FAM83F: variants seen among roughly 807,000 people sequenced by gnomAD.
The protein encoded by FAM83F is scaffolding CK1 anchoring protein F.
A neutral mutation model predicts 42.9 loss-of-function variants in FAM83F; 45 were observed. That is an observed-to-expected ratio of 1.05 (90% confidence interval 0.83 to 1.35). The LOEUF is 1.35. Among genes scored for constraint, FAM83F ranks in the 40% most tolerant of loss-of-function variants. The pLI is 0.00. For missense variants in FAM83F, 617 were observed against 695.9 expected (o/e 0.89, Z 1.28); for synonymous variants, 306 against 298.3 (o/e 1.03, Z -0.27).
In FAM83F at chr22:39,995,652, C is replaced by T; in HGVS notation, c.489+121C>T. 3 of 1,405,258 alleles carry T rather than the reference C, an allele frequency of 2.1e-6. No individual in the cohort carries two copies. Among genetic ancestry groups the T allele is most frequent in the Non-Finnish European group, 2.8e-6 (3 of 1,071,602 alleles). 87.0% of individuals were successfully genotyped at this position (1,405,258 alleles called of 1,614,324 possible). A position where few individuals can be genotyped will look rare whatever the true frequency, so the allele number is the denominator to read the frequency against. The stretch of plus-strand genomic sequence containing the variant: ...CTGAGCACCCTCTGGAAAATGGGCC[C>T]CAACCCGCCCCTACTTCCTGGGGCT... On this transcript the variant is annotated intron_variant, in intron 1 of 4. Coordinates refer to ENST00000333407, the MANE Select transcript of FAM83F (RefSeq NM_138435.4). The surrounding 1 kb of genome is among the most constrained non-coding windows in gnomAD (Gnocchi z 4.6).
intron 4 of FAM83F, among the ~76,000 whole-genome samples, chr22:40,028,312 C>T (rs1412995745): frequency 6.6e-6 from 1 of 152,222 alleles, no homozygotes; most frequent in Non-Finnish European, 1.5e-5. Context: ...CAGGGCAGGG[C>T]TCCAAGTTGG....
chr22:40,041,918 G>A lies in FAM83F; in HGVS notation c.*12353G>A, dbSNP rs565048307. 55 of 151,286 alleles carry A rather than the reference G, an allele frequency of 3.6e-4. No homozygotes were observed. Among genetic ancestry groups the A allele is most frequent in the African/African-American group, 1.2e-3 (51 of 41,134 alleles). The allele number at this position is 151,286 out of a possible 1,614,324, so 9.4% of individuals were successfully genotyped here. ...CTTGCTCTATTGCCCAGGCTGGAGT[G>A]CAGTGGTGTGGCTCACTGCAGCCTT... On this transcript the variant is annotated 3_prime_UTR_variant, in exon 5 of 5. Transcript: ENST00000333407.
At chr22:40,008,988 C>G (rs886588270) in intron 1 of FAM83F, among the ~76,000 whole-genome samples, 1 of 152,204 alleles carries the variant, frequency 6.6e-6, no homozygotes, top group Non-Finnish European at 1.5e-5. Flanking sequence ...GACCTGTTTG[C>G]TCAGCTGCTG....
chr22:40,014,101 TCTC>T (rs1001829329), intron 1 of FAM83F, among the ~76,000 whole-genome samples: 2 of 151,184 alleles, frequency 1.3e-5, no homozygotes, highest in Non-Finnish European at 2.9e-5. Context: ...AGTTTTGTCT[TCTC>T]TAATCCTTAT....
intron 4 of FAM83F, among the ~76,000 whole-genome samples, chr22:40,028,835 C>A (rs1225200498): frequency 6.6e-6 from 1 of 152,226 alleles, no homozygotes; most frequent in Non-Finnish European, 1.5e-5. Flanking sequence ...TCTTGGCCAG[C>A]GCCAGCCTTT....
At chr22:40,008,145 C>T (rs1285337761) in intron 1 of FAM83F, among the ~76,000 whole-genome samples, 1 of 152,232 alleles carries the variant, frequency 6.6e-6, no homozygotes, top group Non-Finnish European at 1.5e-5. Flanking sequence ...TTTGACCTTT[C>T]TGGAAGTGTC....
Position 40,019,987 on chromosome 22 carries a change from A to G in FAM83F, c.758A>G (p.Lys253Arg). The G allele has an allele frequency of 6.2e-7, 1 of 1,613,274 alleles. No homozygotes were observed. The highest frequency in any genetic ancestry group is 8.5e-7 in the Non-Finnish European group (1 of 1,179,574). Residue 253 changes from lysine to arginine, a missense_variant, in exon 3 of 5, where the codon AAA becomes AGA. Coordinates refer to ENST00000333407, the MANE Select transcript of FAM83F (RefSeq NM_138435.4). ...SSRFLMVDGDKVATGSYRFTW... is the reference protein window; with the variant it reads ...SSRFLMVDGDRVATGSYRFTW... Reference sequence around the variant, plus strand: ...AGGTTCCTGATGGTGGACGGTGACAAAGTGGCCACTGGATCTTACAGGTGA... The same window carrying G: ...AGGTTCCTGATGGTGGACGGTGACAGAGTGGCCACTGGATCTTACAGGTGA...
At chr22:40,003,402 C>G in intron 1 of FAM83F, among the ~76,000 whole-genome samples, 1 of 152,094 alleles carries the variant, frequency 6.6e-6, no homozygotes, top group African/African-American at 2.4e-5. Flanking sequence ...GGCTGGTGGC[C>G]AGATCTGCCT....
At chr22:40,003,179 G>A (rs1195500997) in intron 1 of FAM83F, among the ~76,000 whole-genome samples, 3 of 152,192 alleles carry the variant, frequency 2.0e-5, no homozygotes, top group Non-Finnish European at 4.4e-5. Context: ...CTGGGGAAGA[G>A]GGTTCCTCCT....
chr22:40,007,275 C>CCT (rs2067435098), intron 1 of FAM83F, among the ~76,000 whole-genome samples: 1 of 126,046 alleles, frequency 7.9e-6, no homozygotes, highest in African/African-American at 3.1e-5. Context: ...CTCCTCTCTT[C>CCT]CTCCTTTCCT....
rs981838922 is a variant in FAM83F at position 40,030,597 on chromosome 22, C to T, written c.*1032C>T. 6.6e-6 allele frequency: 1 copy of T among 152,344 alleles called. No homozygotes were observed. The highest frequency in any genetic ancestry group is 1.5e-5 in the Non-Finnish European group (1 of 68,034). The allele number at this position is 152,344 out of a possible 1,614,324, so 9.4% of individuals were successfully genotyped here. Reference sequence around the variant, plus strand: ...AGGCCATTTTTAGGAGCCTGTGCCTCGCCAGAGCAGGTCAGCCTAATGGCC... The same window carrying T: ...AGGCCATTTTTAGGAGCCTGTGCCTTGCCAGAGCAGGTCAGCCTAATGGCC... On this transcript the variant is annotated 3_prime_UTR_variant, in exon 5 of 5. Coordinates refer to ENST00000333407, the MANE Select transcript of FAM83F (RefSeq NM_138435.4).
chr22:40,002,190 C>T (rs2067406261), intron 1 of FAM83F, among the ~76,000 whole-genome samples: 1 of 152,206 alleles, frequency 6.6e-6, no homozygotes, highest in Non-Finnish European at 1.5e-5. Context: ...CACACACGGT[C>T]ATCCTGAAGG....
intron 4 of FAM83F, among the ~76,000 whole-genome samples, chr22:40,024,924 G>A (rs2067542776): frequency 6.6e-6 from 1 of 152,178 alleles, no homozygotes; most frequent in African/African-American, 2.4e-5. Context: ...ATCCAGCTGG[G>A]GGCCAGGGGT....
At chr22:40,018,701 C>T (rs1340950129) in intron 1 of FAM83F, among the ~76,000 whole-genome samples, 1 of 151,842 alleles carries the variant, frequency 6.6e-6, no homozygotes, top group Non-Finnish European at 1.5e-5. Flanking sequence ...AGGCAATTCT[C>T]CTGCCTCAGC....
chr22:40,035,625 G>A lies in FAM83F; in HGVS notation c.*6060G>A, dbSNP rs149282450. 54 of 152,340 alleles carry A rather than the reference G, an allele frequency of 3.5e-4. No homozygotes were observed. Among genetic ancestry groups the A allele is most frequent in the African/African-American group, 1.3e-3 (52 of 41,572 alleles). 9.4% of individuals were successfully genotyped at this position (152,340 alleles called of 1,614,324 possible). ...CTGCATGACCTTGGCGGGGGCGCAT[G>A]GCATAGAGAGGACAGGCTTCAGAAC... On this transcript the variant is annotated 3_prime_UTR_variant, in exon 5 of 5. Coordinates refer to ENST00000333407, the MANE Select transcript of FAM83F (RefSeq NM_138435.4).
In FAM83F at chr22:40,020,455, C is replaced by T. The variant is rs750996731; in HGVS notation, c.779+447C>T. On this transcript the variant is annotated intron_variant, in intron 3 of 4. Coordinates refer to ENST00000333407, the MANE Select transcript of FAM83F (RefSeq NM_138435.4). The stretch of plus-strand genomic sequence containing the variant: ...TCGGCTCACTGCAACCTCTGCCTCC[C>T]GGATTCAAGCGATTCTCCTGCCTCA... Among the ~76,000 whole-genome samples, 4 of 151,326 alleles carry T rather than the reference C, an allele frequency of 2.6e-5. No individual in the cohort carries two copies. In the East Asian group the frequency reaches 7.8e-4, roughly 29 times the overall value.
chr22:40,012,770 A>AAAACAAAC (rs368006830), intron 1 of FAM83F, among the ~76,000 whole-genome samples: 2 of 150,606 alleles, frequency 1.3e-5, no homozygotes, highest in Admixed American at 6.6e-5. Context: ...CTCCATCTCA[A>AAAACAAAC]AAACAAACAA....
Position 40,038,727 on chromosome 22 carries a change from AG to A in FAM83F, c.*9167del. 6.1e-6 allele frequency: 1 copy of A among 163,380 alleles called. No homozygotes were observed. The highest frequency in any genetic ancestry group is 1.4e-5 in the Non-Finnish European group (1 of 73,716). 10.1% of individuals were successfully genotyped at this position (163,380 alleles called of 1,614,324 possible). A position where few individuals can be genotyped will look rare whatever the true frequency, so the allele number is the denominator to read the frequency against. ...TAGACTTGGGGACAGGCAGAGGAAG[AG>A]GGGGCATCATAGGCAGCAGAAACCA... On this transcript the variant is annotated 3_prime_UTR_variant, in exon 5 of 5. Coordinates refer to ENST00000333407, the MANE Select transcript of FAM83F (RefSeq NM_138435.4).
Position 40,021,933 on chromosome 22 carries a change from C to T in FAM83F, c.1423C>T (p.Pro475Ser), listed in dbSNP as rs1404552122. 6.4e-7 allele frequency: 1 copy of T among 1,573,210 alleles called. No individual in the cohort carries two copies. Among genetic ancestry groups the T allele is most frequent in the South Asian group, 1.1e-5 (1 of 88,090 alleles). ...SEVEFLTGKRPNENSSADISG... is the reference protein window; with the variant it reads ...SEVEFLTGKRSNENSSADISG... ...AGTGGAGTTTCTGACGGGGAAGAGGCCCAACGAGAATTCCAGTGCTGACAT... is the reference window on the plus strand; with the variant it reads ...AGTGGAGTTTCTGACGGGGAAGAGGTCCAACGAGAATTCCAGTGCTGACAT... Residue 475 changes from proline (P) to serine (S), a missense_variant, in exon 4 of 5, where the codon CCC becomes TCC. Coordinates refer to ENST00000333407, the MANE Select transcript of FAM83F (RefSeq NM_138435.4). This position sits in a 1 kb window ranked among gnomAD's most constrained non-coding sequence, Gnocchi z 8.7.
Sources: gnomAD v4.1 joint callset for allele counts (sites outside exome capture counted in the v4.1 genomes callset) on GRCh38, gnomAD v4.1.1 for gene constraint, Gnocchi (gnomAD v3.1) non-coding constraint, MANE v1.5 for transcripts, NCBI Gene and HGNC (gene_info 2026-07-23, HGNC 2026-07-21) for gene names.